CCDC60: variants seen among roughly 807,000 people sequenced by gnomAD.
The protein encoded by CCDC60 is coiled-coil domain-containing protein 60.
A neutral mutation model predicts 63.5 loss-of-function variants in CCDC60; 54 were observed. That is an observed-to-expected ratio of 0.85 (90% CI 0.68 to 1.07). The LOEUF is 1.07. CCDC60 is among the 50% of genes least tolerant of loss of function. The pLI is 0.00. For missense variants in CCDC60, 651 were observed against 684.3 expected (o/e 0.95, Z 0.54); for synonymous variants, 206 against 238.8 (o/e 0.86, Z 1.27).
At chr12:119,499,897 A>G (rs1393544025) in intron 5 of CCDC60, among the ~76,000 whole-genome samples, 181 bp from the exon 6 acceptor site, 1 of 152,068 alleles carries the variant, frequency 6.6e-6, no homozygotes. Context: ...CCTCGATTTC[A>G]CTCAAAAGAG....
chr12:119,436,157 G>A (rs1950319840), intron 2 of CCDC60, among the ~76,000 whole-genome samples: 1 of 152,194 alleles, frequency 6.6e-6, no homozygotes, highest in Admixed American at 6.5e-5. Context: ...AGCGGGAACA[G>A]CTGCAAATTC....
intron 1 of CCDC60, among the ~76,000 whole-genome samples, chr12:119,368,156 A>G (rs796773450): frequency 2.6e-5 from 3 of 113,356 alleles, no homozygotes; most frequent in South Asian, 3.3e-4. Context: ...AGAAGAAAAG[A>G]AGGAGGAGGA....
chr12:119,462,433 G>T (rs1950871820), intron 2 of CCDC60, among the ~76,000 whole-genome samples: 1 of 152,048 alleles, frequency 6.6e-6, no homozygotes, highest in Admixed American at 6.6e-5. Flanking sequence ...AGATTATGTG[G>T]CATGGGTTTT....
chr12:119,457,830 C>G lies in CCDC60; in HGVS notation c.171-14164C>G, dbSNP rs1950776144. ...GTAATAAATGTATTCCAAATTTCATCTCAATTGCATTTGCATTTTAATGAA... is the reference window on the plus strand; with the variant it reads ...GTAATAAATGTATTCCAAATTTCATGTCAATTGCATTTGCATTTTAATGAA... On this transcript the variant is annotated intron_variant, in intron 2 of 13. Transcript: ENST00000327554. Among the ~76,000 whole-genome samples, 3 of 152,182 alleles carry G rather than the reference C, an allele frequency of 2.0e-5. 1 individual carries two copies. The South Asian group carries it at 6.2e-4, about 31-fold the overall frequency.
chr12:119,433,326 T>C (rs1950266402), intron 2 of CCDC60: 2 of 687,104 alleles, frequency 2.9e-6, no homozygotes, highest in Non-Finnish European at 5.3e-6. Flanking sequence ...AGTCTGTCAC[T>C]CCCAACAGAC....
intron 11 of CCDC60, among the ~76,000 whole-genome samples, chr12:119,527,513 G>C (rs1018304505): frequency 2.6e-5 from 4 of 152,134 alleles, no homozygotes. Context: ...CAGAGAGCCA[G>C]GGAACTGCCA....
At chr12:119,371,899 G>A (rs1222164467) in intron 1 of CCDC60, among the ~76,000 whole-genome samples, 2 of 152,134 alleles carry the variant, frequency 1.3e-5, no homozygotes, top group Non-Finnish European at 2.9e-5. Flanking sequence ...GCCACCTAAG[G>A]ACTCTCTCAA....
chr12:119,432,294 G>A (rs1950242425), intron 2 of CCDC60, among the ~76,000 whole-genome samples: 1 of 152,194 alleles, frequency 6.6e-6, no homozygotes, highest in African/African-American at 2.4e-5. Context: ...CATGGCGAGG[G>A]ATGAGCCTCC....
rs141338737 is a variant in CCDC60, at chr12:119,385,265, A to G, written c.91-43418A>G. Among the ~76,000 whole-genome samples, 565 of 152,230 alleles carry G rather than the reference A, an allele frequency of 3.7e-3. 2 individuals carry two copies. Among genetic ancestry groups the G allele is most frequent in the Non-Finnish European group, 6.4e-3 (432 of 68,012 alleles). ...TGACCTCCCTTGCTCTCCAGCCTCC[A>G]GTTGGATTCAGCCAATAGAAAGCAC... On this transcript the variant is annotated intron_variant, in intron 1 of 13. Coordinates refer to ENST00000327554, the MANE Select transcript of CCDC60 (RefSeq NM_178499.5).
chr12:119,427,469 T>C (rs1480609038), intron 1 of CCDC60, among the ~76,000 whole-genome samples: 5 of 152,258 alleles, frequency 3.3e-5, no homozygotes, highest in Admixed American at 6.5e-5. Context: ...TGTCTTCTAT[T>C]GTGAGATGTA....
intron 5 of CCDC60, among the ~76,000 whole-genome samples, chr12:119,493,581 A>G (rs149413247): frequency 6.6e-6 from 1 of 152,288 alleles, no homozygotes; most frequent in African/African-American, 2.4e-5. Context: ...GTGGCAATTT[A>G]AACACATTAT....
At chr12:119,406,444 C>T (rs1287321217) in intron 1 of CCDC60, among the ~76,000 whole-genome samples, 1 of 152,096 alleles carries the variant, frequency 6.6e-6, no homozygotes, top group Non-Finnish European at 1.5e-5. Flanking sequence ...TTATTTTCAT[C>T]CCTTCATCCA....
intron 7 of CCDC60, among the ~76,000 whole-genome samples, chr12:119,513,658 A>C (rs1449776949): frequency 1.3e-5 from 2 of 152,214 alleles, no homozygotes; most frequent in African/African-American, 2.4e-5. Flanking sequence ...TCAACAATGG[A>C]CCACATATAC....
rs55694840 is a variant in CCDC60, at chr12:119,524,721, C to CTTTTTTTTTTTTTTTTTTTTTTTTTTTT, written c.1229+922_1229+923insTTTTTTTTTTTTTTTTTTTTTTTTTTTT. 8.6e-4 allele frequency among the ~76,000 whole-genome samples: 85 copies of CTTTTTTTTTTTTTTTTTTTTTTTTTTTT among 99,016 alleles called. 3 individuals are homozygous for CTTTTTTTTTTTTTTTTTTTTTTTTTTTT. Among genetic ancestry groups the CTTTTTTTTTTTTTTTTTTTTTTTTTTTT allele is most frequent in the African/African-American group, 1.2e-3 (26 of 21,260 alleles). 65.0% of individuals were successfully genotyped at this position (99,016 alleles called of 152,430 possible). On this transcript the variant is annotated intron_variant, in intron 11 of 13. Coordinates refer to ENST00000327554, the MANE Select transcript of CCDC60 (RefSeq NM_178499.5). Reference sequence around the variant, plus strand: ...ACAGCAGTTTCTTTTCTTTTCTTTTCTTTTTTTTTTTTTTTTTTTGAGACA... The same window carrying CTTTTTTTTTTTTTTTTTTTTTTTTTTTT: ...ACAGCAGTTTCTTTTCTTTTCTTTTCTTTTTTTTTTTTTTTTTTTTTTTTTTTTTTTTTTTTTTTTTTTTTTTGAGACA...
In CCDC60 at chr12:119,401,441, C is replaced by T. The variant is rs111648095; in HGVS notation, c.91-27242C>T. On this transcript the variant is annotated intron_variant, in intron 1 of 13. Transcript: ENST00000327554. Reference sequence around the variant, plus strand: ...AAATCCTGTACTCAAGGCTGGGGATCTACTGCAAGACAAGACGCAATCTTG... The same window carrying T: ...AAATCCTGTACTCAAGGCTGGGGATTTACTGCAAGACAAGACGCAATCTTG... Among the ~76,000 whole-genome samples, 908 of 152,312 alleles carry T rather than the reference C, an allele frequency of 6.0e-3. 13 individuals carry two copies. The highest frequency in any genetic ancestry group is 0.02 in the African/African-American group (846 of 41,566).
intron 2 of CCDC60, among the ~76,000 whole-genome samples, chr12:119,449,807 C>G (rs1052580535): frequency 6.6e-6 from 1 of 152,044 alleles, no homozygotes; most frequent in African/African-American, 2.4e-5. Flanking sequence ...CCAGGAAAAG[C>G]AGAAGTAACT....
At chr12:119,400,187 C>T (rs1956365732) in intron 1 of CCDC60, among the ~76,000 whole-genome samples, 1 of 152,020 alleles carries the variant, frequency 6.6e-6, no homozygotes, top group Admixed American at 6.5e-5. Context: ...GTAGCTGGGA[C>T]TACAGGCGCC....
intron 1 of CCDC60, among the ~76,000 whole-genome samples, chr12:119,417,116 G>A (rs900914565): frequency 1.3e-5 from 2 of 151,886 alleles, no homozygotes; most frequent in Non-Finnish European, 2.9e-5. Context: ...GCGAAACTCT[G>A]TCTAAAAAAA....
intron 3 of CCDC60, among the ~76,000 whole-genome samples, chr12:119,476,416 T>G (rs564886905): frequency 6.6e-6 from 1 of 152,296 alleles, no homozygotes; most frequent in African/African-American, 2.4e-5. Context: ...TTGCTGTGGT[T>G]TTCTCAGCTC....
Sources: allele counts gnomAD v4.1 joint callset (sites outside exome capture counted in the v4.1 genomes callset), GRCh38; gene constraint gnomAD v4.1.1; transcripts MANE v1.5; gene names NCBI Gene and HGNC (gene_info 2026-07-23, HGNC 2026-07-21).